GALK2: variants seen among roughly 807,000 people sequenced by gnomAD.
The protein encoded by GALK2 is N-acetylgalactosamine kinase.
Under a neutral mutation model 52.4 loss-of-function variants are expected in GALK2, and 36 were observed. The observed-to-expected ratio is 0.69, with a 90% CI of 0.53 to 0.91. The LOEUF (loss-of-function observed/expected upper bound fraction) is 0.91, where lower values mean the gene tolerates loss of function less well. GALK2 is among the 40% of genes least tolerant of loss of function. The pLI is 0.00. For synonymous variants in GALK2, 176 were observed against 199.1 expected, an observed-to-expected ratio of 0.88 and a Z score of 0.98; for missense variants, 579 against 559.1, an observed-to-expected ratio of 1.04 and a Z score of -0.36.
rs1313306477 is a variant in GALK2, at chr15:49,292,326, G to C, written c.757-1G>C. 1 of 1,613,296 alleles carries C rather than the reference G, an allele frequency of 6.2e-7. No homozygotes were observed. On this transcript the variant is annotated splice_acceptor_variant, in intron 7 of 9. Coordinates refer to ENST00000560031, the MANE Select transcript of GALK2 (RefSeq NM_002044.4). LOFTEE classifies it high-confidence loss of function. Reference sequence around the variant, plus strand: ...ACCATTATCTTGATTTGAATTTGCAGCTCCTGGCTAAATACAAAAGCTTGC... The same window carrying C: ...ACCATTATCTTGATTTGAATTTGCACCTCCTGGCTAAATACAAAAGCTTGC...
At chr15:49,257,816 C>T (rs1489023143) in intron 5 of GALK2, among the ~76,000 whole-genome samples, 1 of 151,508 alleles carries the variant, frequency 6.6e-6, no homozygotes, top group Non-Finnish European at 1.5e-5. Flanking sequence ...TTCCTGATCT[C>T]ATTAGAAATG....
intron 7 of GALK2, among the ~76,000 whole-genome samples, chr15:49,286,713 A>C (rs1454116811): frequency 5.9e-5 from 9 of 152,188 alleles, no homozygotes; most frequent in Non-Finnish European, 1.0e-4. Flanking sequence ...TAAACTTTTT[A>C]ATATCAAGGG....
intron 8 of GALK2, among the ~76,000 whole-genome samples, chr15:49,311,712 G>A (rs2036003407): frequency 6.6e-6 from 1 of 152,164 alleles, no homozygotes; most frequent in Admixed American, 6.5e-5. Flanking sequence ...TTTCAGCATT[G>A]CTGGCAGCCC....
chr15:49,281,096 A>G (rs1209621907), intron 5 of GALK2, among the ~76,000 whole-genome samples: 1 of 152,208 alleles, frequency 6.6e-6, no homozygotes, highest in Non-Finnish European at 1.5e-5. Flanking sequence ...CGGCCTCCCA[A>G]AGTGCTGGGA....
chr15:49,163,967 C>T (rs182792698), intron 1 of GALK2, among the ~76,000 whole-genome samples: 142 of 152,140 alleles, frequency 9.3e-4, no homozygotes, highest in Admixed American at 1.6e-3. Flanking sequence ...GGAGACTGAA[C>T]ACTGTGTGTT....
At chr15:49,294,140 C>CTAATAAATAAAT (rs2034222534) in intron 8 of GALK2, among the ~76,000 whole-genome samples, 1 of 139,864 alleles carries the variant, frequency 7.1e-6, no homozygotes, top group Non-Finnish European at 1.5e-5. Flanking sequence ...GACCCTGTCT[C>CTAATAAATAAAT]AAATAAATAA....
chr15:49,241,768 C>G (rs2091107147), intron 5 of GALK2, among the ~76,000 whole-genome samples: 1 of 152,088 alleles, frequency 6.6e-6, no homozygotes, highest in Admixed American at 6.6e-5. Flanking sequence ...TTCTATTTTT[C>G]TGGTGTTTTG....
chr15:49,363,994 A>C (rs571813108), intron 3 of GALK2, among the ~76,000 whole-genome samples: 1 of 152,262 alleles, frequency 6.6e-6, no homozygotes, highest in East Asian at 1.9e-4. Flanking sequence ...TTGCTTTTTG[A>C]CATGCTGCTG....
chr15:49,244,429 G>A (rs956753856), intron 5 of GALK2, among the ~76,000 whole-genome samples: 5 of 151,862 alleles, frequency 3.3e-5, no homozygotes, highest in Admixed American at 2.6e-4. Context: ...AGAAAAGAAC[G>A]GAAAGAAATC....
At chr15:49,210,225 T>C (rs1413443216) in intron 2 of GALK2, among the ~76,000 whole-genome samples, 2 of 151,954 alleles carry the variant, frequency 1.3e-5, no homozygotes, top group African/African-American at 4.8e-5. Flanking sequence ...GTGTTCTCTT[T>C]TTCTCAGTCT....
chr15:49,175,185 A>G (rs928470382), intron 1 of GALK2, among the ~76,000 whole-genome samples: 1 of 152,216 alleles, frequency 6.6e-6, no homozygotes, highest in African/African-American at 2.4e-5. Flanking sequence ...GGCTCACATA[A>G]CAAGGTGAGC....
At chr15:49,299,746 T>TCTTTCTTTCTTTCTTTC (rs2034865157) in intron 8 of GALK2, among the ~76,000 whole-genome samples, 7 of 126,678 alleles carry the variant, frequency 5.5e-5, no homozygotes, top group Non-Finnish European at 6.7e-5. Flanking sequence ...TTTCTTTCTT[T>TCTTTCTTTCTTTCTTTC]CTTTCTTTCT....
chr15:49,184,397 A>C (rs1183904874), intron 1 of GALK2, among the ~76,000 whole-genome samples: 4 of 152,072 alleles, frequency 2.6e-5, no homozygotes, highest in Non-Finnish European at 4.4e-5. Flanking sequence ...TAGGCAACAG[A>C]TCATTGGATT....
At chr15:49,166,904 C>T (rs1414786106), upstream of GALK2, among the ~76,000 whole-genome samples, 1 of 151,998 alleles carries the variant, frequency 6.6e-6, no homozygotes, top group Non-Finnish European at 1.5e-5. Flanking sequence ...CAGATTAAAC[C>T]ACAGAAATAA....
rs544245088 is a variant in GALK2, at chr15:49,285,991, A to T, written c.756+2273A>T. ...CACTCCAGCCATGAGACTCATTCTC[A>T]TCTCAGAGACTTTGCACCTGCCCAG... On this transcript the variant is annotated intron_variant, in intron 7 of 9. Coordinates refer to ENST00000560031, the MANE Select transcript of GALK2 (RefSeq NM_002044.4). 3.9e-5 allele frequency among the ~76,000 whole-genome samples: 6 copies of T among 152,256 alleles called. 1 individual carries two copies. The South Asian group carries it at 1.2e-3, about 32-fold the overall frequency.
Position 49,296,404 on chromosome 15 carries a change from G to A in GALK2, c.967+3867G>A, listed in dbSNP as rs140505031. 2.5e-3 allele frequency among the ~76,000 whole-genome samples: 384 copies of A among 152,270 alleles called. 1 individual carries two copies. The highest frequency in any genetic ancestry group is 0.01 in the South Asian group (49 of 4,826). ...TTGTTTTCTGTTCCTGCATTAATTT[G>A]TTTAGGATAATGTCCCTCAGCTGCA... On this transcript the variant is annotated intron_variant, in intron 8 of 9. Coordinates refer to ENST00000560031, the MANE Select transcript of GALK2 (RefSeq NM_002044.4).
chr15:49,206,251 T>C (rs889977745), intron 2 of GALK2, among the ~76,000 whole-genome samples: 1 of 151,606 alleles, frequency 6.6e-6, no homozygotes, highest in African/African-American at 2.4e-5. Flanking sequence ...TTTTATTTAT[T>C]TATTTATTAT....
At chr15:49,295,014 A>G (rs867916998) in intron 8 of GALK2, among the ~76,000 whole-genome samples, 76 of 152,170 alleles carry the variant, frequency 5.0e-4, no homozygotes, top group African/African-American at 1.8e-3. Context: ...GCCAATTAGG[A>G]AACTATTGCT....
upstream of GALK2, among the ~76,000 whole-genome samples, chr15:49,169,731 C>T (rs1338139441): frequency 6.6e-6 from 1 of 152,114 alleles, no homozygotes; most frequent in Non-Finnish European, 1.5e-5. Flanking sequence ...TAGGAAGGCC[C>T]ACCAATGCCT....
Sources: gnomAD v4.1 joint callset for allele counts (sites outside exome capture counted in the v4.1 genomes callset) on GRCh38, gnomAD v4.1.1 for gene constraint, MANE v1.5 for transcripts, NCBI Gene and HGNC (gene_info 2026-07-23, HGNC 2026-07-21) for gene names.